The following HOMER2 variants were observed in gnomAD, a reference collection of about 807,000 sequenced individuals.
HOMER2 encodes homer scaffold protein 2, also known as homer protein homolog 2.
Under a neutral mutation model 47.0 loss-of-function variants are expected in HOMER2, and 27 were observed. That is an observed-to-expected ratio of 0.57 (90% CI 0.42 to 0.79). The LOEUF (loss-of-function observed/expected upper bound fraction) is 0.79, where lower values mean the gene tolerates loss of function less well. HOMER2 is among the 30% of genes least tolerant of loss of function. The pLI is 0.00. For synonymous variants in HOMER2, 161 were observed against 163.8 expected, an observed-to-expected ratio of 0.98 and a Z score of 0.13; for missense variants, 443 against 435.0, an observed-to-expected ratio of 1.02 and a Z score of -0.16.
chr15:82,875,895 A>C (rs1423620409), intron 2 of HOMER2, among the ~76,000 whole-genome samples: 3 of 152,214 alleles, frequency 2.0e-5, no homozygotes, highest in Non-Finnish European at 4.4e-5. Flanking sequence ...GGTACAGTCC[A>C]ATTAGGATAA....
intron 1 of HOMER2, among the ~76,000 whole-genome samples, chr15:82,917,090 G>A (rs954590357): frequency 5.9e-5 from 9 of 151,276 alleles, no homozygotes; most frequent in African/African-American, 1.7e-4. Flanking sequence ...GTGAGCCACC[G>A]TGCCCGGCCC....
At chr15:82,941,548 T>C (rs1230562028) in intron 1 of HOMER2, among the ~76,000 whole-genome samples, 2 of 151,222 alleles carry the variant, frequency 1.3e-5, no homozygotes, top group South Asian at 4.2e-4. Context: ...TACAGTATAG[T>C]GCGCTCCTGC....
At chr15:82,918,349 TC>T (rs2053641945) in intron 1 of HOMER2, among the ~76,000 whole-genome samples, 1 of 152,066 alleles carries the variant, frequency 6.6e-6, no homozygotes, top group Non-Finnish European at 1.5e-5. Context: ...CCAGGGATCC[TC>T]TAGAGCAGGC....
chr15:82,979,277 A>T (rs1348562950), intron 1 of HOMER2, among the ~76,000 whole-genome samples: 1 of 152,212 alleles, frequency 6.6e-6, no homozygotes, highest in Non-Finnish European at 1.5e-5. Context: ...ATGAGACTGG[A>T]CCGATAAGAC....
chr15:82,917,122 T>C (rs1399378977), intron 1 of HOMER2, among the ~76,000 whole-genome samples: 1 of 152,176 alleles, frequency 6.6e-6, no homozygotes, highest in Non-Finnish European at 1.5e-5. Flanking sequence ...TTTACAATTT[T>C]TGTTTTTTTC....
chr15:82,915,400 A>G (rs915245713), intron 1 of HOMER2, among the ~76,000 whole-genome samples: 2 of 152,138 alleles, frequency 1.3e-5, no homozygotes, highest in East Asian at 1.9e-4. Flanking sequence ...GAGGCAATTT[A>G]TCATCACACA....
intron 1 of HOMER2, among the ~76,000 whole-genome samples, chr15:82,931,895 C>G (rs938383943): frequency 6.6e-6 from 1 of 152,206 alleles, no homozygotes; most frequent in Non-Finnish European, 1.5e-5. Flanking sequence ...AGAGGACACT[C>G]TCACAAAGTC....
chr15:82,868,541 A>ATATATTTTTTTTT, intron 3 of HOMER2, among the ~76,000 whole-genome samples: 2 of 71,290 alleles, frequency 2.8e-5, no homozygotes, highest in Non-Finnish European at 5.6e-5. Flanking sequence ...ATATATATAT[A>ATATATTTTTTTTT]TTTTTTTTTT....
At chr15:82,980,342 G>A (rs1352387930) in intron 1 of HOMER2, among the ~76,000 whole-genome samples, 1 of 151,988 alleles carries the variant, frequency 6.6e-6, no homozygotes, top group African/African-American at 2.4e-5. Context: ...GGCAACTAGG[G>A]ACCATCCCTA....
intron 1 of HOMER2, among the ~76,000 whole-genome samples, chr15:82,951,834 G>C (rs1052552179): frequency 6.6e-6 from 1 of 152,256 alleles, no homozygotes; most frequent in African/African-American, 2.4e-5. Context: ...CAGATGTAAG[G>C]AGTTATTGTG....
chr15:82,949,960 A>G (rs2054471110), intron 1 of HOMER2, among the ~76,000 whole-genome samples: 1 of 152,148 alleles, frequency 6.6e-6, no homozygotes, highest in Admixed American at 6.5e-5. Flanking sequence ...GGAAGGAGAG[A>G]CAATCTCTGA....
chr15:82,892,296 A>T (rs1366675821), intron 2 of HOMER2, among the ~76,000 whole-genome samples: 1 of 152,202 alleles, frequency 6.6e-6, no homozygotes, highest in Non-Finnish European at 1.5e-5. Context: ...ATCTTGCCCC[A>T]TAATATTCTA....
chr15:82,971,649 A>C (rs2029993317), intron 1 of HOMER2, among the ~76,000 whole-genome samples: 1 of 152,154 alleles, frequency 6.6e-6, no homozygotes, highest in Non-Finnish European at 1.5e-5. Context: ...ATTTTAGAGG[A>C]TTCTTGGAAG....
intron 1 of HOMER2, among the ~76,000 whole-genome samples, chr15:82,901,247 G>A (rs573734718): frequency 1.5e-4 from 23 of 152,308 alleles, no homozygotes; most frequent in African/African-American, 5.1e-4. Context: ...AGCCAGGAGG[G>A]AGACAGGCAG....
At chr15:82,924,522 A>G (rs2053811983) in intron 1 of HOMER2, among the ~76,000 whole-genome samples, 1 of 152,122 alleles carries the variant, frequency 6.6e-6, no homozygotes, top group Non-Finnish European at 1.5e-5. Context: ...CCTCAGATTG[A>G]CATGTTTCCA....
intron 1 of HOMER2, among the ~76,000 whole-genome samples, chr15:82,981,944 T>C (rs1192293283): frequency 2.0e-5 from 3 of 152,206 alleles, no homozygotes; most frequent in Non-Finnish European, 4.4e-5. Context: ...TGCACAACAA[T>C]GTGAATGTAC....
chr15:82,933,053 G>A (rs768747501), intron 1 of HOMER2, among the ~76,000 whole-genome samples: 10 of 151,900 alleles, frequency 6.6e-5, no homozygotes, highest in Non-Finnish European at 1.2e-4. Context: ...CCCTTCTCTA[G>A]GCTAAGTATG....
intron 1 of HOMER2, among the ~76,000 whole-genome samples, chr15:82,896,959 C>A (rs17158168): frequency 0.12 from 17,984 of 152,074 alleles, 1,169 homozygotes; most frequent in East Asian, 0.22. Context: ...CTGCAACAAT[C>A]CTACAGGGAA....
chr15:82,870,750 T>C (rs929713260), intron 3 of HOMER2, among the ~76,000 whole-genome samples: 5 of 152,212 alleles, frequency 3.3e-5, no homozygotes, highest in Admixed American at 1.3e-4. Context: ...ATAAAGTGAC[T>C]ACATGGGGAC....
Sources: gnomAD v4.1 joint callset for allele counts (sites outside exome capture counted in the v4.1 genomes callset) on GRCh38, gnomAD v4.1.1 for gene constraint, MANE v1.5 for transcripts, NCBI Gene and HGNC (gene_info 2026-07-23, HGNC 2026-07-21) for gene names.